MCTP1: variants seen among roughly 807,000 people sequenced by gnomAD.
The protein encoded by MCTP1 is multiple C2 and transmembrane domain-containing protein 1.
MCTP1 carries 69 observed loss-of-function variants against 120.6 expected under a neutral mutation model. The observed-to-expected ratio is 0.57, with a 90% confidence interval of 0.47 to 0.70. MCTP1 has a LOEUF of 0.70. Among genes scored for constraint, MCTP1 ranks in the 30% least tolerant of loss-of-function variants. The pLI, the probability that MCTP1 is intolerant of heterozygous loss-of-function variation, is 0.00. For synonymous variants in MCTP1, 529 were observed against 493.1 expected (o/e 1.07, Z -0.96); for missense variants, 1,203 against 1,248.8 (o/e 0.96, Z 0.55).
At chr5:94,908,314 C>G (rs1807470312) in intron 10 of MCTP1, among the ~76,000 whole-genome samples, 1 of 151,932 alleles carries the variant, frequency 6.6e-6, no homozygotes, top group Non-Finnish European at 1.5e-5. Context: ...TGAAGCTCAT[C>G]TTTGACCTCT....
chr5:94,742,662 A>C (rs752431681), intron 19 of MCTP1, among the ~76,000 whole-genome samples: 6 of 152,130 alleles, frequency 3.9e-5, no homozygotes, highest in Admixed American at 1.3e-4. Context: ...ATTTGACAGA[A>C]TATCTCTTTG....
At chr5:94,867,291 G>A in intron 17 of MCTP1, 2 of 1,530,840 alleles carry the variant, frequency 1.3e-6, no homozygotes, top group Non-Finnish European at 1.7e-6. Flanking sequence ...TGGGAAGCAG[G>A]CTGCCTAACT....
chr5:95,264,546 G>A (rs1022276349), intron 1 of MCTP1, among the ~76,000 whole-genome samples: 11 of 152,138 alleles, frequency 7.2e-5, no homozygotes, highest in Non-Finnish European at 1.0e-4. Context: ...CAAACCCCAC[G>A]CGGGCACTGG....
chr5:94,824,104 G>A (rs929960670), intron 17 of MCTP1, among the ~76,000 whole-genome samples: 2 of 152,202 alleles, frequency 1.3e-5, no homozygotes, highest in African/African-American at 2.4e-5. Context: ...GGTGAGAGAG[G>A]GCATCCTTGT....
intron 17 of MCTP1, among the ~76,000 whole-genome samples, chr5:94,851,289 T>C (rs1793650260): frequency 6.6e-6 from 1 of 152,092 alleles, no homozygotes; most frequent in Non-Finnish European, 1.5e-5. Flanking sequence ...TAATATATTA[T>C]GGTTAAAACA....
chr5:95,283,887 G>A lies in MCTP1; in HGVS notation c.689C>T (p.Pro230Leu). ...PARSPAESRA[P>L]ETGEEHGSSQ... ...GCTGCCGTGCTCCTCGCCCGTCTCC[G>A]GGGCCCGAGACTCCGCGGGACTCCG... Residue 230 changes from proline (P) to leucine (L), a missense_variant, in exon 1 of 23, where the codon CCG becomes CTG. By Grantham distance (98) the Pro-to-Leu change is moderately conservative. This residue lies in a region of MCTP1 where 463 missense variants were observed against 377.8 expected (regional missense o/e 1.23). Transcript: ENST00000515393. The A allele has an allele frequency of 1.5e-6, 2 of 1,377,390 alleles. No individual in the cohort carries two copies. Among genetic ancestry groups the A allele is most frequent in the South Asian group, 3.4e-5 (2 of 58,632 alleles). The allele number at this position is 1,377,390 out of a possible 1,614,324, so 85.3% of individuals were successfully genotyped here.
At chr5:94,719,810 G>A (rs1222571921) in intron 19 of MCTP1, among the ~76,000 whole-genome samples, 4 of 152,138 alleles carry the variant, frequency 2.6e-5, no homozygotes, top group African/African-American at 4.8e-5. Flanking sequence ...CATGTCCTGC[G>A]CATGTGTCCC....
chr5:95,116,931 T>G (rs182224259), intron 1 of MCTP1, among the ~76,000 whole-genome samples: 7 of 152,334 alleles, frequency 4.6e-5, no homozygotes, highest in African/African-American at 1.2e-4. Flanking sequence ...AAGAATCTTT[T>G]GGGCTTAGAC....
intron 3 of MCTP1, among the ~76,000 whole-genome samples, chr5:94,946,424 G>A (rs1021342295): frequency 1.3e-5 from 2 of 152,168 alleles, no homozygotes; most frequent in African/African-American, 4.8e-5. Flanking sequence ...CAATGGTGAA[G>A]TCAGTGTCCA....
At chr5:94,812,685 C>T (rs1204211319) in intron 17 of MCTP1, among the ~76,000 whole-genome samples, 1 of 151,528 alleles carries the variant, frequency 6.6e-6, no homozygotes, top group Non-Finnish European at 1.5e-5. Context: ...ATCGCTTAGC[C>T]CAGGAGTTCA....
chr5:94,707,266 G>T lies in MCTP1; in HGVS notation c.*230C>A. On this transcript the variant is annotated 3_prime_UTR_variant, in exon 23 of 23. Transcript: ENST00000515393. ...TCAGTGTGTTATATTATTATCCACA[G>T]CTAACAAGGTTTTGACACAGCAGTA... is the stretch of plus-strand genomic sequence containing the variant. The T allele has an allele frequency of 2.3e-6, 1 of 440,348 alleles. No individual in the cohort carries two copies. The highest frequency in any genetic ancestry group is 4.0e-6 in the Non-Finnish European group (1 of 247,272). The allele number at this position is 440,348 out of a possible 1,614,324, so 27.3% of individuals were successfully genotyped here.
At chr5:95,002,339 T>A (rs775841934) in intron 2 of MCTP1, among the ~76,000 whole-genome samples, 3 of 152,254 alleles carry the variant, frequency 2.0e-5, no homozygotes, top group Non-Finnish European at 4.4e-5. Flanking sequence ...GTCACCGTCC[T>A]CCAGATCCCA....
intron 17 of MCTP1, among the ~76,000 whole-genome samples, chr5:94,807,699 C>G (rs1345591220): frequency 1.6e-5 from 2 of 122,000 alleles, no homozygotes; most frequent in African/African-American, 6.4e-5. Context: ...GTCACAATGA[C>G]TAGGATGGGA....
chr5:94,726,810 T>C (rs1277564363), intron 19 of MCTP1, among the ~76,000 whole-genome samples: 1 of 152,198 alleles, frequency 6.6e-6, no homozygotes, highest in Non-Finnish European at 1.5e-5. Context: ...TTGGGCTCCT[T>C]TCAGGTCACT....
intron 2 of MCTP1, among the ~76,000 whole-genome samples, chr5:94,988,466 A>G (rs1362525161): frequency 6.6e-6 from 1 of 152,160 alleles, no homozygotes; most frequent in Non-Finnish European, 1.5e-5. Flanking sequence ...ATTAATGAAT[A>G]TATTTTTCAA....
intron 10 of MCTP1, among the ~76,000 whole-genome samples, chr5:94,895,050 T>A (rs556751421): frequency 1.3e-5 from 2 of 152,072 alleles, no homozygotes. Context: ...TACAAAAAAA[T>A]ATGTTAATCT....
At chr5:95,172,762 TG>T (rs1449778455) in intron 1 of MCTP1, among the ~76,000 whole-genome samples, 1 of 152,170 alleles carries the variant, frequency 6.6e-6, no homozygotes, top group African/African-American at 2.4e-5. Flanking sequence ...TCTCTTGTTC[TG>T]TTGTGTGCCA....
chr5:94,985,314 G>A (rs1830256339), intron 2 of MCTP1, among the ~76,000 whole-genome samples: 1 of 152,146 alleles, frequency 6.6e-6, no homozygotes, highest in South Asian at 2.1e-4. Flanking sequence ...GAATACAAAT[G>A]CTACCTTAAT....
intron 18 of MCTP1, among the ~76,000 whole-genome samples, chr5:94,781,132 ATT>A (rs35398709): frequency 0.018 from 2,637 of 146,778 alleles, 44 homozygotes; most frequent in African/African-American, 0.049. Flanking sequence ...TAAATGAAGT[ATT>A]TTTTTTTTTT....
Sources: gnomAD v4.1 joint callset for allele counts (sites outside exome capture counted in the v4.1 genomes callset) on GRCh38, gnomAD v4.1.1 for gene constraint, gnomAD v4.1.1 regional missense constraint, MANE v1.5 for transcripts, NCBI Gene and HGNC (gene_info 2026-07-23, HGNC 2026-07-21) for gene names.